Variants in CMIP observed in about 807,000 individuals in gnomAD.
CMIP encodes c-Maf inducing protein.
In CMIP, 13 loss-of-function variants were observed where a neutral mutation model predicts 97.3. The ratio of observed to expected loss-of-function variants is 0.13; its 90% CI spans 0.09 to 0.21. The LOEUF (loss-of-function observed/expected upper bound fraction) is 0.21, where lower values mean the gene tolerates loss of function less well. Ranked by LOEUF, CMIP falls within the 10% of genes least tolerant of loss-of-function variation. CMIP has a pLI of 1.00. For synonymous variants in CMIP, 538 were observed against 436.3 expected, an observed-to-expected ratio of 1.23 and a Z score of -2.91; for missense variants, 847 against 1,024.9, an observed-to-expected ratio of 0.83 and a Z score of 2.37.
intron 10 of CMIP, among the ~76,000 whole-genome samples, chr16:81,684,361 C>T (rs1905173715): frequency 6.6e-6 from 1 of 152,256 alleles, no homozygotes; most frequent in Non-Finnish European, 1.5e-5. Flanking sequence ...CCCACAGGGG[C>T]CTTCTCATGC....
At chr16:81,455,758 C>G (rs1258573693) in intron 1 of CMIP, among the ~76,000 whole-genome samples, 1 of 152,146 alleles carries the variant, frequency 6.6e-6, no homozygotes, top group South Asian at 2.1e-4. Context: ...GGTGGGCTTT[C>G]CACTAGAGAC....
chr16:81,701,598 C>G, intron 15 of CMIP, 62 bp from the exon 16 acceptor site: 1 of 1,610,852 alleles, frequency 6.2e-7, no homozygotes, highest in Non-Finnish European at 8.5e-7. Flanking sequence ...TTGGGGTGCA[C>G]AGAGTGTGCT....
At position 81,471,574 on chromosome 16, in the gene CMIP, C is replaced by T. The variant is rs570038741; in HGVS notation, c.300+26033C>T. Among the ~76,000 whole-genome samples, 9 of 149,474 alleles carry T rather than the reference C, an allele frequency of 6.0e-5. No homozygotes were observed. The East Asian group carries it at 1.8e-3, about 29-fold the overall frequency. ...ACATGTGCACACACACATGCATACA[C>T]AAATACACACACACACACAGTTATA... On this transcript the variant is annotated intron_variant, in intron 1 of 20. Transcript: ENST00000537098.
intron 6 of CMIP, among the ~76,000 whole-genome samples, chr16:81,661,862 C>T (rs983312222): frequency 6.6e-6 from 1 of 152,152 alleles, no homozygotes; most frequent in South Asian, 2.1e-4. Flanking sequence ...ATCAGGATTC[C>T]TTTTCTACCA....
At chr16:81,596,282 G>C (rs1004567427) in intron 1 of CMIP, among the ~76,000 whole-genome samples, 3 of 152,094 alleles carry the variant, frequency 2.0e-5, no homozygotes, top group Non-Finnish European at 4.4e-5. Context: ...AAGGTGGGCA[G>C]ATCACTTGAG....
intron 6 of CMIP, among the ~76,000 whole-genome samples, chr16:81,661,813 G>C (rs1006838368): frequency 6.6e-6 from 1 of 152,150 alleles, no homozygotes. Context: ...CTTTGAAAGG[G>C]AGACAAGATT....
intron 1 of CMIP, chr16:81,475,999 A>AAG: frequency 5.2e-6 from 3 of 573,604 alleles, no homozygotes; most frequent in Non-Finnish European, 9.6e-6. Context: ...AAAAAAAAAA[A>AAG]AAAGATAAAA....
At chr16:81,454,984 AG>A (rs1906456210) in intron 1 of CMIP, among the ~76,000 whole-genome samples, 1 of 152,188 alleles carries the variant, frequency 6.6e-6, no homozygotes, top group Non-Finnish European at 1.5e-5. Context: ...GAGTCTGTGC[AG>A]TTTTTATGGG....
chr16:81,510,696 C>A (rs2089794435), intron 1 of CMIP, among the ~76,000 whole-genome samples: 1 of 152,032 alleles, frequency 6.6e-6, no homozygotes, highest in Non-Finnish European at 1.5e-5. Flanking sequence ...AAAAAAATCA[C>A]AAATCACAAA....
chr16:81,498,389 C>T (rs935564753), intron 1 of CMIP, among the ~76,000 whole-genome samples: 14 of 152,202 alleles, frequency 9.2e-5, no homozygotes, highest in African/African-American at 3.1e-4. Flanking sequence ...TGAGATGCGG[C>T]CCTTGTCCCC....
intron 1 of CMIP, among the ~76,000 whole-genome samples, chr16:81,603,944 C>T (rs1310011898): frequency 2.0e-5 from 3 of 152,190 alleles, no homozygotes; most frequent in Non-Finnish European, 4.4e-5. Flanking sequence ...AATAAATTCT[C>T]ATCTTAACCA....
At chr16:81,487,235 C>T (rs2089329943) in intron 1 of CMIP, among the ~76,000 whole-genome samples, 2 of 151,200 alleles carry the variant, frequency 1.3e-5, no homozygotes, top group African/African-American at 4.8e-5. Context: ...AGCCTCACTG[C>T]TCTACCTGGG....
At chr16:81,496,207 G>GAA (rs2089487830) in intron 1 of CMIP, among the ~76,000 whole-genome samples, 1 of 152,308 alleles carries the variant, frequency 6.6e-6, no homozygotes, top group South Asian at 2.1e-4. Flanking sequence ...ACAGGGCCTG[G>GAA]ACCATAGTAG....
At chr16:81,593,929 C>G (rs1211114501) in intron 1 of CMIP, among the ~76,000 whole-genome samples, 1 of 151,868 alleles carries the variant, frequency 6.6e-6, no homozygotes, top group African/African-American at 2.4e-5. Flanking sequence ...CTTCCCTTCC[C>G]TCTTCCCTCT....
rs1040989493 is a variant in CMIP at position 81,702,476 on chromosome 16, G to C, written c.1897-146G>C. The C allele has an allele frequency of 5.2e-6, 4 of 767,816 alleles. No individual in the cohort carries two copies. In the Admixed American group the frequency reaches 6.5e-5, roughly 13 times the overall value. The allele number at this position is 767,816 out of a possible 1,614,324, so 47.6% of individuals were successfully genotyped here. A position where few individuals can be genotyped will look rare whatever the true frequency, so the allele number is the denominator to read the frequency against. On this transcript the variant is annotated intron_variant, in intron 16 of 20. Transcript: ENST00000537098. ...ACCTGTGCTCAAACCTCATCTCCGG[G>C]TTTGCCCCTGAGACCAAGACCACCG...
At chr16:81,459,032 A>ATCACCG (rs374039769) in intron 1 of CMIP, among the ~76,000 whole-genome samples, 147 of 130,984 alleles carry the variant, frequency 1.1e-3, no homozygotes, top group African/African-American at 2.8e-3. Flanking sequence ...CACTGTCACC[A>ATCACCG]TCACCATCAC....
Position 81,678,640 on chromosome 16 carries a change from C to CG in CMIP, c.1388+12_1388+13insG, listed in dbSNP as rs1904537455. 1 of 1,362,396 alleles carries CG rather than the reference C, an allele frequency of 7.3e-7. No individual in the cohort carries two copies. The highest frequency in any genetic ancestry group is 1.0e-6 in the Non-Finnish European group (1 of 971,518). 84.4% of individuals were successfully genotyped at this position (1,362,396 alleles called of 1,614,324 possible). A position where few individuals can be genotyped will look rare whatever the true frequency, so the allele number is the denominator to read the frequency against. ...ATCCTCAAGCTGCTGTGAGTGCCCC[C>CG]CCCGCGTGCCCGCCCCCGGGGCCGG... On this transcript the variant is annotated intron_variant, in intron 10 of 20. Transcript: ENST00000537098.
rs552481934 is a variant in CMIP, at chr16:81,701,704, C to T, written c.1800C>T (p.Asp600=). ...AATACAACATCATCGACAACAACGA[C>T]ACCCAACTGCAGATCATCTCAACCC... ...MLEYNIIDNN[D]TQLQIISTLE... is the part of the protein sequence containing the mutation. Residue 600 remains aspartate (D), a synonymous_variant, in exon 16 of 21, where the codon GAC becomes GAT. Coordinates refer to ENST00000537098, the MANE Select transcript of CMIP (RefSeq NM_198390.3). 21 of 1,613,810 alleles carry T rather than the reference C, an allele frequency of 1.3e-5. No individual in the cohort carries two copies. Among genetic ancestry groups the T allele is most frequent in the Admixed American group, 6.7e-5 (4 of 60,012 alleles).
At chr16:81,679,127 TGTGA>T (rs1222407843) in intron 10 of CMIP, among the ~76,000 whole-genome samples, 1 of 152,196 alleles carries the variant, frequency 6.6e-6, no homozygotes, top group Non-Finnish European at 1.5e-5. Flanking sequence ...CCTTAGAGCT[TGTGA>T]GTGTCTTTGT....
Sources: allele counts gnomAD v4.1 joint callset (sites outside exome capture counted in the v4.1 genomes callset), GRCh38; gene constraint gnomAD v4.1.1; transcripts MANE v1.5; gene names NCBI Gene and HGNC (gene_info 2026-07-23, HGNC 2026-07-21).